Variants in CCDC7 observed in about 807,000 individuals in gnomAD.
CCDC7 encodes coiled-coil domain containing 7, also known as coiled-coil domain-containing protein 7.
Under a neutral mutation model 196.9 loss-of-function variants are expected in CCDC7, and 183 were observed. The ratio of observed to expected loss-of-function variants is 0.93; its 90% CI spans 0.82 to 1.05. The LOEUF (loss-of-function observed/expected upper bound fraction) is 1.05, where lower values mean the gene tolerates loss of function less well. CCDC7 is among the 50% of genes least tolerant of loss of function. The pLI is 0.00. For synonymous variants in CCDC7, 525 were observed against 484.6 expected, an observed-to-expected ratio of 1.08 and a Z score of -1.10; for missense variants, 1,540 against 1,482.2, an observed-to-expected ratio of 1.04 and a Z score of -0.64.
At chr10:32,662,394 C>A (rs962256124) in intron 20 of CCDC7, among the ~76,000 whole-genome samples, 1 of 152,136 alleles carries the variant, frequency 6.6e-6, no homozygotes, top group African/African-American at 2.4e-5. Context: ...GTTGTTCCTG[C>A]AAGAGGGATA....
At chr10:32,705,589 G>T (rs1423370077) in intron 24 of CCDC7, among the ~76,000 whole-genome samples, 2 of 151,998 alleles carry the variant, frequency 1.3e-5, no homozygotes, top group Non-Finnish European at 1.5e-5. Context: ...ACGTGCAGAG[G>T]CACACATAGG....
At chr10:32,863,010 A>G (rs1452596748) in intron 41 of CCDC7, among the ~76,000 whole-genome samples, 1 of 152,116 alleles carries the variant, frequency 6.6e-6, no homozygotes, top group Non-Finnish European at 1.5e-5. Flanking sequence ...AGAAGTCACA[A>G]ATAAATGGCA....
chr10:32,785,078 A>C (rs979348062), intron 29 of CCDC7, among the ~76,000 whole-genome samples: 1 of 152,214 alleles, frequency 6.6e-6, no homozygotes, highest in Non-Finnish European at 1.5e-5. Flanking sequence ...ATCTACAAAA[A>C]TTGAACATCT....
intron 26 of CCDC7, among the ~76,000 whole-genome samples, chr10:32,727,381 G>C (rs893250074): frequency 2.6e-5 from 4 of 152,154 alleles, no homozygotes; most frequent in Admixed American, 1.3e-4. Flanking sequence ...TTCTTGTGTG[G>C]TGGGGAATGT....
chr10:32,666,411 T>C (rs2072730170), intron 21 of CCDC7, among the ~76,000 whole-genome samples: 1 of 152,144 alleles, frequency 6.6e-6, no homozygotes, highest in African/African-American at 2.4e-5. Flanking sequence ...CGTTCTAGGG[T>C]ACATGTACAC....
At chr10:32,555,385 A>G (rs752850180) in intron 13 of CCDC7, among the ~76,000 whole-genome samples, 11 of 151,770 alleles carry the variant, frequency 7.2e-5, no homozygotes, top group Non-Finnish European at 1.3e-4. Flanking sequence ...AGCTGGGACT[A>G]TGGGCGGGCG....
At chr10:32,483,084 A>G (rs1266855188) in intron 8 of CCDC7, among the ~76,000 whole-genome samples, 5 of 152,220 alleles carry the variant, frequency 3.3e-5, no homozygotes, top group African/African-American at 1.2e-4. Context: ...ACTGCCTTCC[A>G]CAATGGTTGA....
chr10:32,870,488 G>C (rs2094388337), intron 41 of CCDC7, among the ~76,000 whole-genome samples: 1 of 152,170 alleles, frequency 6.6e-6, no homozygotes, highest in Non-Finnish European at 1.5e-5. Flanking sequence ...AGCTTAAGGA[G>C]ATTTTGGGCT....
chr10:32,542,158 CCTTA>C lies in CCDC7; in HGVS notation c.994-1138_994-1135del, dbSNP rs1370340683. The stretch of plus-strand genomic sequence containing the variant: ...TTAATAATCTAATTGTTAATTTTTC[CCTTA>C]CTTTCTTTTATAAAATGATCTTCTA... On this transcript the variant is annotated intron_variant, in intron 11 of 41. Coordinates refer to ENST00000639629, the Ensembl canonical transcript of CCDC7. Among the ~76,000 whole-genome samples, 5 of 152,148 alleles carry C rather than the reference CCTTA, an allele frequency of 3.3e-5. No individual in the cohort carries two copies. The East Asian group carries it at 5.8e-4, about 18-fold the overall frequency.
intron 24 of CCDC7, among the ~76,000 whole-genome samples, chr10:32,710,696 G>C (rs1053730744): frequency 1.6e-4 from 24 of 152,170 alleles, no homozygotes; most frequent in Admixed American, 3.3e-4. Flanking sequence ...TATCCCCCAA[G>C]AGGTCTCAAC....
At chr10:32,680,903 G>A (rs895553398) in intron 21 of CCDC7, among the ~76,000 whole-genome samples, 1 of 152,074 alleles carries the variant, frequency 6.6e-6, no homozygotes, top group African/African-American at 2.4e-5. Context: ...ATTTCACCAG[G>A]CTCTCTGACT....
intron 8 of CCDC7, 128 bp from the exon 10 acceptor site, chr10:32,491,794 C>T: frequency 1.3e-6 from 1 of 768,742 alleles, no homozygotes; most frequent in Non-Finnish European, 1.8e-6. Context: ...TGTTAATAGT[C>T]ATGTAGCCCA....
chr10:32,788,598 T>C (rs2134540932), intron 29 of CCDC7, among the ~76,000 whole-genome samples: 1 of 152,264 alleles, frequency 6.6e-6, no homozygotes, highest in Non-Finnish European at 1.5e-5. Flanking sequence ...AACTCCAGGC[T>C]TTAGGCCAGC....
At chr10:32,551,130 G>C (rs1267339517) in intron 13 of CCDC7, among the ~76,000 whole-genome samples, 2 of 151,974 alleles carry the variant, frequency 1.3e-5, no homozygotes, top group Non-Finnish European at 1.5e-5. Flanking sequence ...AAGCTAGGAG[G>C]GTTGTATTTT....
chr10:32,850,690 T>C (rs1290046602), intron 39 of CCDC7, among the ~76,000 whole-genome samples: 1 of 152,118 alleles, frequency 6.6e-6, no homozygotes, highest in Non-Finnish European at 1.5e-5. Context: ...GATATTGTGA[T>C]ATATAATCAT....
intron 16 of CCDC7, among the ~76,000 whole-genome samples, chr10:32,580,666 A>G (rs1564723058): frequency 6.6e-6 from 1 of 152,044 alleles, no homozygotes; most frequent in Non-Finnish European, 1.5e-5. Flanking sequence ...AAGAATATCA[A>G]TAATATTTTA....
At chr10:32,869,416 GT>G (rs1457742310) in intron 41 of CCDC7, among the ~76,000 whole-genome samples, 1 of 151,990 alleles carries the variant, frequency 6.6e-6, no homozygotes, top group Admixed American at 6.6e-5. Flanking sequence ...TGATGGGGTT[GT>G]TTTTTTCTTG....
chr10:32,498,896 C>G (rs1475925945), intron 9 of CCDC7, among the ~76,000 whole-genome samples: 2 of 150,394 alleles, frequency 1.3e-5, no homozygotes, highest in African/African-American at 2.4e-5. Flanking sequence ...ATATCTTTGT[C>G]GTGTTCTCTG....
chr10:32,646,267 CTTTCT>C (rs1213755888), intron 20 of CCDC7, among the ~76,000 whole-genome samples: 1 of 150,436 alleles, frequency 6.6e-6, no homozygotes, highest in Admixed American at 6.6e-5. Context: ...AATTAAAAAA[CTTTCT>C]TTTCTTTGAT....
Sources: gnomAD v4.1 joint callset for allele counts (sites outside exome capture counted in the v4.1 genomes callset) on GRCh38, gnomAD v4.1.1 for gene constraint, MANE v1.5 for transcripts, NCBI Gene and HGNC (gene_info 2026-07-23, HGNC 2026-07-21) for gene names.